Variants in CUX1 observed in about 807,000 individuals in gnomAD.
CUX1 encodes protein CASP.
A neutral mutation model predicts 158.8 loss-of-function variants in CUX1; 31 were observed. That is an observed-to-expected ratio of 0.20 (90% CI 0.15 to 0.26). CUX1 has a LOEUF of 0.26. CUX1 is among the 10% of genes least tolerant of loss of function. The pLI, the probability that CUX1 is intolerant of heterozygous loss-of-function variation, is 1.00. For missense variants in CUX1, 1,589 were observed against 2,014.6 expected (o/e 0.79, Z 4.04); for synonymous variants, 879 against 862.1 (o/e 1.02, Z -0.34).
intron 3 of CUX1, among the ~76,000 whole-genome samples, chr7:102,061,111 G>C (rs1189144585): frequency 6.7e-6 from 1 of 149,212 alleles, no homozygotes; most frequent in Non-Finnish European, 1.5e-5. Flanking sequence ...TTTCAATAGA[G>C]ACAGGTTTCA....
At chr7:102,040,776 C>A (rs965421661) in intron 3 of CUX1, among the ~76,000 whole-genome samples, 1 of 152,166 alleles carries the variant, frequency 6.6e-6, no homozygotes, top group African/African-American at 2.4e-5. Context: ...GGGAGCCAGT[C>A]CAGGCGCTGC....
In CUX1 at chr7:102,278,657, A is replaced by AATAAAAAAATAAAATAAAATAT. The variant is rs781848717; in HGVS notation, c.1680+593_1680+594insTAAAAAAATAAAATAAAATATA. The stretch of plus-strand genomic sequence containing the variant: ...AATAAAATAAAATAAAATAAAATAA[A>AATAAAAAAATAAAATAAAATAT]AAAATAAAATAAAATATAAAATAAA... On this transcript the variant is annotated intron_variant, in intron 18 of 22. Coordinates refer to the CUX1 transcript ENST00000292538. Among the ~76,000 whole-genome samples, 299 of 99,078 alleles carry AATAAAAAAATAAAATAAAATAT rather than the reference A, an allele frequency of 3.0e-3. 1 individual carries two copies. The highest frequency in any genetic ancestry group is 8.8e-3 in the African/African-American group (275 of 31,124). The allele number at this position is 99,078 out of a possible 152,430, so 65.0% of individuals were successfully genotyped here.
intron 17 of CUX1, chr7:102,277,932 T>TTC: frequency 1.7e-6 from 2 of 1,150,374 alleles, no homozygotes; most frequent in Admixed American, 2.3e-5. Context: ...CCCCTTTCCT[T>TTC]GCCCCTCCCC....
In CUX1 at chr7:102,256,108, C is replaced by T. The variant is rs1167407168; in HGVS notation, c.*7066C>T. On this transcript the variant is annotated 3_prime_UTR_variant, in exon 24 of 24. Coordinates refer to ENST00000292535, the MANE Select transcript of CUX1 (RefSeq NM_181552.4). Reference sequence around the variant, plus strand: ...GCCTCTTGGTGACCACTGTGCTGGGCGTGCAGGGCCCGCGGGCTCTGGCCG... The same window carrying T: ...GCCTCTTGGTGACCACTGTGCTGGGTGTGCAGGGCCCGCGGGCTCTGGCCG... 10 of 985,302 alleles carry T rather than the reference C, an allele frequency of 1.0e-5. No homozygotes were observed. In the South Asian group the frequency reaches 1.9e-4, roughly 19 times the overall value. 61.0% of individuals were successfully genotyped at this position (985,302 alleles called of 1,614,324 possible). A position where few individuals can be genotyped will look rare whatever the true frequency, so the allele number is the denominator to read the frequency against.
At position 102,236,971 on chromosome 7, in the gene CUX1, C is replaced by G. The variant is rs559885617; in HGVS notation, c.3623-2349C>G. 1.3e-4 allele frequency among the ~76,000 whole-genome samples: 20 copies of G among 152,290 alleles called. No homozygotes were observed. In the South Asian group the frequency reaches 3.5e-3, roughly 27 times the overall value. On this transcript the variant is annotated intron_variant, in intron 22 of 23. Coordinates refer to ENST00000292535, the MANE Select transcript of CUX1 (RefSeq NM_181552.4). The stretch of plus-strand genomic sequence containing the variant: ...CTGTGGTCCGATGGCCTTCTCTTCA[C>G]TCCTGGGGGTGCCGGCCACAAAGGC...
intron 1 of CUX1, among the ~76,000 whole-genome samples, chr7:101,888,383 G>A (rs1426698976): frequency 6.6e-6 from 1 of 152,146 alleles, no homozygotes; most frequent in Non-Finnish European, 1.5e-5. Context: ...CTGACACTGT[G>A]CTTTATCCCA....
chr7:101,899,411 G>A (rs1801903099), intron 1 of CUX1, among the ~76,000 whole-genome samples: 1 of 152,160 alleles, frequency 6.6e-6, no homozygotes, highest in Non-Finnish European at 1.5e-5. Context: ...AATTAGCCAG[G>A]TGTGGTGGTG....
chr7:101,956,510 C>G (rs1809801889), intron 2 of CUX1, among the ~76,000 whole-genome samples: 1 of 152,150 alleles, frequency 6.6e-6, no homozygotes, highest in Non-Finnish European at 1.5e-5. Flanking sequence ...ACGTTTCCTT[C>G]AGAAAACTTC....
chr7:102,213,532 C>T (rs1796756697), intron 20 of CUX1, among the ~76,000 whole-genome samples: 1 of 152,208 alleles, frequency 6.6e-6, no homozygotes, highest in East Asian at 1.9e-4. Flanking sequence ...TCCCTGGTTT[C>T]CCCTTCTGAA....
At chr7:101,967,155 A>G (rs1416956549) in intron 2 of CUX1, among the ~76,000 whole-genome samples, 1 of 152,026 alleles carries the variant, frequency 6.6e-6, no homozygotes, top group East Asian at 1.9e-4. Context: ...CTGGGATTAC[A>G]GGTGCCCTCC....
chr7:102,281,784 C>T, intron 20 of CUX1: 2 of 1,192,988 alleles, frequency 1.7e-6, no homozygotes, highest in Admixed American at 1.7e-5. Context: ...CCCAGGCAGC[C>T]CTGCAGGGGT....
chr7:102,111,603 A>C, intron 6 of CUX1, 95 bp from the exon 7 acceptor site: 1 of 1,135,124 alleles, frequency 8.8e-7, no homozygotes, highest in Non-Finnish European at 1.3e-6. Flanking sequence ...CCGCCAGCTG[A>C]GCGCAGGGAG....
chr7:101,859,808 C>T (rs777780059), intron 1 of CUX1, among the ~76,000 whole-genome samples: 2 of 152,012 alleles, frequency 1.3e-5, no homozygotes, highest in Non-Finnish European at 1.5e-5. Flanking sequence ...TTCTCTCTCT[C>T]TCTCTCTCAG....
At chr7:102,221,683 C>G (rs55873649) in intron 20 of CUX1, among the ~76,000 whole-genome samples, 1 of 148,896 alleles carries the variant, frequency 6.7e-6, no homozygotes, top group Admixed American at 6.8e-5. Flanking sequence ...GTCACTATCT[C>G]TGCTTTCTGT....
At chr7:102,030,303 C>T (rs564188708) in intron 3 of CUX1, among the ~76,000 whole-genome samples, 42 of 152,168 alleles carry the variant, frequency 2.8e-4, no homozygotes, top group African/African-American at 9.6e-4. Context: ...TGAGCCACTG[C>T]GCCCGGCCCA....
intron 3 of CUX1, among the ~76,000 whole-genome samples, chr7:102,031,085 G>T (rs1300429546): frequency 6.6e-6 from 1 of 151,916 alleles, no homozygotes; most frequent in African/African-American, 2.4e-5. Context: ...TCTAGACAGG[G>T]TCTTGCTCTG....
intron 2 of CUX1, among the ~76,000 whole-genome samples, chr7:101,944,468 C>T (rs890295666): frequency 1.3e-5 from 2 of 152,216 alleles, no homozygotes; most frequent in Non-Finnish European, 2.9e-5. Context: ...ACGCGGGAGA[C>T]GCATGCTCCT....
intron 2 of CUX1, among the ~76,000 whole-genome samples, chr7:101,949,008 C>T (rs565435365): frequency 1.1e-4 from 17 of 152,254 alleles, no homozygotes; most frequent in African/African-American, 3.4e-4. Flanking sequence ...TTTAACGTGA[C>T]GGTGACATCC....
In CUX1 at chr7:101,840,303, A is replaced by G. The variant is rs1417188411; in HGVS notation, c.30+22634A>G. On this transcript the variant is annotated intron_variant, in intron 1 of 23. Coordinates refer to ENST00000292535, the MANE Select transcript of CUX1 (RefSeq NM_181552.4). ...TGCTGGCTAGAATCTGAAGTACTCAATTACATGGTGGTGGTGATAGAGGCT... is the reference window on the plus strand; with the variant it reads ...TGCTGGCTAGAATCTGAAGTACTCAGTTACATGGTGGTGGTGATAGAGGCT... 3.3e-5 allele frequency among the ~76,000 whole-genome samples: 5 copies of G among 152,224 alleles called. No individual in the cohort carries two copies. In the South Asian group the frequency reaches 6.2e-4, roughly 19 times the overall value.
Sources: allele counts gnomAD v4.1 joint callset (sites outside exome capture counted in the v4.1 genomes callset), GRCh38; gene constraint gnomAD v4.1.1; transcripts MANE v1.5; gene names NCBI Gene and HGNC (gene_info 2026-07-23, HGNC 2026-07-21).